Variants in PTCHD4 observed in about 807,000 individuals in gnomAD.
The protein encoded by PTCHD4 is patched domain-containing protein 4.
Under a neutral mutation model 58.1 loss-of-function variants are expected in PTCHD4, and 33 were observed. The observed-to-expected ratio is 0.57, with a 90% CI of 0.43 to 0.76. PTCHD4 has a LOEUF of 0.76. Among genes scored for constraint, PTCHD4 ranks in the 30% least tolerant of loss-of-function variants. The probability of loss-of-function intolerance (pLI) is 0.00; values close to 1 mark genes in which losing one functional copy is unlikely to be tolerated. For synonymous variants in PTCHD4, 478 were observed against 409.6 expected, an observed-to-expected ratio of 1.17 and a Z score of -2.02; for missense variants, 1,058 against 1,027.1, an observed-to-expected ratio of 1.03 and a Z score of -0.41.
chr6:47,990,013 C>T (rs544150119), intron 4 of PTCHD4, among the ~76,000 whole-genome samples: 25 of 152,318 alleles, frequency 1.6e-4, no homozygotes, highest in African/African-American at 6.0e-4. Flanking sequence ...CTGCCAAGAC[C>T]ATCGAACCCA....
At position 48,093,649 on chromosome 6, in the gene PTCHD4, C is replaced by A. The variant is rs557019845; in HGVS notation, c.-970+17400G>T. ...GAATTTTTATTAAATCTGACAACCT[C>A]CCTGCCCACTTTTAATCTTTAATCA... On this transcript the variant is annotated intron_variant, in intron 1 of 4. Coordinates refer to ENST00000339488, the MANE Select transcript of PTCHD4 (RefSeq NM_001384253.1). Among the ~76,000 whole-genome samples, 87 of 152,202 alleles carry A rather than the reference C, an allele frequency of 5.7e-4. 2 individuals carry two copies. Among genetic ancestry groups the A allele is most frequent in the African/African-American group, 2.0e-3 (82 of 41,524 alleles).
chr6:48,051,441 C>T (rs935933560), intron 3 of PTCHD4, among the ~76,000 whole-genome samples: 1 of 151,820 alleles, frequency 6.6e-6, no homozygotes, highest in Admixed American at 6.6e-5. Context: ...TTAAGTAGTC[C>T]CACAATTACC....
chr6:48,002,097 A>G (rs1255889447), intron 4 of PTCHD4, among the ~76,000 whole-genome samples: 1 of 152,226 alleles, frequency 6.6e-6, no homozygotes, highest in Admixed American at 6.5e-5. Flanking sequence ...CGATCATTAA[A>G]AAGTCAGGAA....
intron 3 of PTCHD4, among the ~76,000 whole-genome samples, chr6:48,014,760 A>T (rs565927784): frequency 1.3e-5 from 2 of 152,282 alleles, no homozygotes; most frequent in South Asian, 4.1e-4. Flanking sequence ...CTTACTTATC[A>T]CATGATGAAG....
At chr6:48,103,464 A>G (rs574296220) in intron 1 of PTCHD4, among the ~76,000 whole-genome samples, 20 of 152,322 alleles carry the variant, frequency 1.3e-4, no homozygotes, top group Non-Finnish European at 2.8e-4. Context: ...CGTCACCATC[A>G]TCAAAGACCA....
intron 3 of PTCHD4, among the ~76,000 whole-genome samples, chr6:48,057,171 G>GTTTTTTTGT (rs1562030611): frequency 1.3e-5 from 2 of 149,400 alleles, no homozygotes; most frequent in African/African-American, 4.9e-5. Context: ...TCTGGCGGCG[G>GTTTTTTTGT]TTTTTTTTGT....
At chr6:48,106,939 T>G (rs1468389890) in intron 1 of PTCHD4, among the ~76,000 whole-genome samples, 2 of 152,020 alleles carry the variant, frequency 1.3e-5, no homozygotes, top group Admixed American at 1.3e-4. Flanking sequence ...GACTGCTCAA[T>G]GAAATAAAAG....
intron 4 of PTCHD4, among the ~76,000 whole-genome samples, chr6:47,975,966 G>C (rs1487728912): frequency 6.6e-6 from 1 of 152,162 alleles, no homozygotes; most frequent in African/African-American, 2.4e-5. Flanking sequence ...TCAGCTCTCA[G>C]ATGTTTCATC....
chr6:47,899,571 T>A, intron 4 of PTCHD4: 1 of 983,724 alleles, frequency 1.0e-6, no homozygotes, highest in South Asian at 4.7e-5. Flanking sequence ...GGTTTGCAAA[T>A]GAAGTAGAAA....
chr6:47,996,239 C>T lies in PTCHD4; in HGVS notation c.898+12395G>A, dbSNP rs183108046. 5.3e-5 allele frequency among the ~76,000 whole-genome samples: 8 copies of T among 152,134 alleles called. No homozygotes were observed. The East Asian group carries it at 5.8e-4, about 11-fold the overall frequency. On this transcript the variant is annotated intron_variant, in intron 4 of 4. Coordinates refer to ENST00000339488, the MANE Select transcript of PTCHD4 (RefSeq NM_001384253.1). ...TCCCAGCACTTTTGGGAGGCTGAGG[C>T]GAGCGGATCACTTGAGGTCAGGAGT...
chr6:48,036,417 C>T lies in PTCHD4; in HGVS notation c.418-27303G>A, dbSNP rs201192521. ...TTTGAAAGTATTAAAATGGAAAACT[C>T]CAGGAATAACTAATTCATAAGTTTT... On this transcript the variant is annotated intron_variant, in intron 3 of 4. Coordinates refer to ENST00000339488, the MANE Select transcript of PTCHD4 (RefSeq NM_001384253.1). Among the ~76,000 whole-genome samples, 4 of 152,150 alleles carry T rather than the reference C, an allele frequency of 2.6e-5. No individual in the cohort carries two copies. In the East Asian group the frequency reaches 7.8e-4, roughly 29 times the overall value.
chr6:47,947,547 G>GT (rs1034937273), intron 4 of PTCHD4, among the ~76,000 whole-genome samples: 11 of 150,752 alleles, frequency 7.3e-5, no homozygotes, highest in East Asian at 3.9e-4. Flanking sequence ...ATTCAAAAGA[G>GT]TTTTTTTTTC....
intron 1 of PTCHD4, among the ~76,000 whole-genome samples, chr6:48,089,479 T>C (rs1026491757): frequency 3.3e-5 from 5 of 152,230 alleles, no homozygotes; most frequent in African/African-American, 1.2e-4. Flanking sequence ...CATTTAGTCA[T>C]ATAGTCATTG....
chr6:48,058,367 A>T (rs1414096773), intron 3 of PTCHD4, among the ~76,000 whole-genome samples: 1 of 152,248 alleles, frequency 6.6e-6, no homozygotes, highest in Non-Finnish European at 1.5e-5. Flanking sequence ...TAGAATGATT[A>T]TGGTCCGATG....
At chr6:47,939,931 T>C (rs1289601708) in intron 4 of PTCHD4, among the ~76,000 whole-genome samples, 3 of 152,046 alleles carry the variant, frequency 2.0e-5, no homozygotes, top group Non-Finnish European at 4.4e-5. Context: ...CTCCATACTT[T>C]CCATAATATT....
At chr6:47,990,331 C>T (rs924647599) in intron 4 of PTCHD4, among the ~76,000 whole-genome samples, 6 of 152,068 alleles carry the variant, frequency 3.9e-5, no homozygotes, top group Admixed American at 2.6e-4. Context: ...AAAGGCATGA[C>T]TGGTTTTGAA....
chr6:47,882,741 G>GAGATAGATATATATATATATATATATAT (rs143060584), intron 4 of PTCHD4, among the ~76,000 whole-genome samples: 9 of 102,374 alleles, frequency 8.8e-5, no homozygotes, highest in Admixed American at 4.8e-4. Flanking sequence ...TGATTCCAGT[G>GAGATAGATATATATATATATATATATAT]ATATATATAT....
Position 47,879,795 on chromosome 6 carries a change from G to A in PTCHD4, c.1040C>T (p.Thr347Ile). 6.2e-7 allele frequency: 1 copy of A among 1,613,664 alleles called. No individual in the cohort carries two copies. ...YTMTSSLYFI[T>I]FGMGASPFTN... is the part of the protein sequence containing the mutation. The stretch of plus-strand genomic sequence containing the variant: ...GAATGGGCTGGCACCCATGCCAAAA[G>A]TGATGAAGTACAGGGAGCTGGTCAT... The change falls in exon 5 of 5, where the codon ACT becomes ATT. Residue 347 changes from threonine to isoleucine, a missense_variant. By Grantham distance (89) the Thr-to-Ile change is moderately conservative. Transcript: ENST00000339488.
Position 47,867,750 on chromosome 6 carries a change from A to T in PTCHD4, c.*10553T>A, listed in dbSNP as rs1488954620. Among the ~76,000 whole-genome samples, 1 of 151,724 alleles carries T rather than the reference A, an allele frequency of 6.6e-6. No homozygotes were observed. The highest frequency in any genetic ancestry group is 1.5e-5 in the Non-Finnish European group (1 of 67,806). ...ACACTTCAATGTGGATCAGTTCATA[A>T]TTCCTTCCTTACTTTCCTTGAATAC... On this transcript the variant is annotated 3_prime_UTR_variant, in exon 5 of 5. Transcript: ENST00000339488.
Sources: gnomAD v4.1 joint callset for allele counts (sites outside exome capture counted in the v4.1 genomes callset) on GRCh38, gnomAD v4.1.1 for gene constraint, MANE v1.5 for transcripts, NCBI Gene and HGNC (gene_info 2026-07-23, HGNC 2026-07-21) for gene names.